Variants in CSNK1G2 observed in about 807,000 individuals in gnomAD.
CSNK1G2 encodes the protein casein kinase 1 gamma 2, also known as casein kinase I isoform gamma-2.
A neutral mutation model predicts 48.0 loss-of-function variants in CSNK1G2; 11 were observed. The observed-to-expected ratio is 0.23, with a 90% CI of 0.14 to 0.38. The LOEUF is 0.38. Among genes scored for constraint, CSNK1G2 ranks in the 10% least tolerant of loss-of-function variants. The pLI, the probability that CSNK1G2 is intolerant of heterozygous loss-of-function variation, is 1.00. For synonymous variants in CSNK1G2, 337 were observed against 254.1 expected (o/e 1.33, Z -3.10); for missense variants, 446 against 595.5 (o/e 0.75, Z 2.61).
rs971906737 is a variant in CSNK1G2, at chr19:1,956,442, G to A, written c.-265-13066G>A. Among the ~76,000 whole-genome samples the A allele has an allele frequency of 4.6e-5, 7 of 152,174 alleles. No individual in the cohort carries two copies. The South Asian group carries it at 8.3e-4, about 18-fold the overall frequency. ...TGAGGCGGGAAAATTGCTTGAACTC[G>A]GGAGGCGGAGGTTGTAATGAGCCGA... is the stretch of plus-strand genomic sequence containing the variant. On this transcript the variant is annotated intron_variant, in intron 1 of 11. Transcript: ENST00000255641.
At chr19:1,976,197 C>T (rs112981552) in intron 2 of CSNK1G2, 110 of 928,784 alleles carry the variant, frequency 1.2e-4, no homozygotes, top group Non-Finnish European at 1.5e-4. Flanking sequence ...TTCCTAATAA[C>T]GTGTTACACT....
chr19:1,953,411 T>G (rs1469107183), intron 1 of CSNK1G2: 1 of 534,516 alleles, frequency 1.9e-6, no homozygotes, highest in Admixed American at 1.9e-5. Flanking sequence ...GAAGGCCGTC[T>G]TTGTGATGGA....
intron 2 of CSNK1G2, 106 bp downstream of exon 2, chr19:1,970,065 C>A: frequency 1.1e-6 from 1 of 913,342 alleles, no homozygotes; most frequent in African/African-American, 1.7e-5. Flanking sequence ...GAGCCTCTGG[C>A]GGGGCCGCCC....
intron 1 of CSNK1G2, among the ~76,000 whole-genome samples, chr19:1,942,164 C>T (rs992957321): frequency 3.9e-5 from 6 of 152,192 alleles, no homozygotes; most frequent in African/African-American, 1.4e-4. Flanking sequence ...CTGTGGCCAC[C>T]GGCTTTGTTT....
At chr19:1,953,565 A>G in intron 1 of CSNK1G2, 1 of 496,540 alleles carries the variant, frequency 2.0e-6, no homozygotes, top group East Asian at 6.0e-5. Flanking sequence ...GCCCTCCGCC[A>G]AGGCTGCCGG....
At chr19:1,953,589 A>G in intron 1 of CSNK1G2, 1 of 464,908 alleles carries the variant, frequency 2.2e-6, no homozygotes, top group Non-Finnish European at 4.5e-6. Context: ...TGTTTGCCTT[A>G]TGTGTCCGGT....
At chr19:1,941,650 ACCCCAGCGTC>A (rs2014366180) in intron 1 of CSNK1G2, among the ~76,000 whole-genome samples, 1 of 129,888 alleles carries the variant, frequency 7.7e-6, no homozygotes, top group Middle Eastern at 3.5e-3. Flanking sequence ...TGCACTCGGG[ACCCCAGCGTC>A]CCCCACCGCC....
At chr19:1,941,451 G>GCA (rs1568175535) in intron 1 of CSNK1G2, 33 bp downstream of exon 1, 1 of 131,204 alleles carries the variant, frequency 7.6e-6, no homozygotes, top group Non-Finnish European at 1.6e-5. Flanking sequence ...CGGCCCCTTC[G>GCA]CCCCCTGCAC....
intron 1 of CSNK1G2, among the ~76,000 whole-genome samples, chr19:1,963,893 T>C (rs1465314263): frequency 6.7e-6 from 1 of 149,414 alleles, no homozygotes; most frequent in Non-Finnish European, 1.5e-5. Context: ...CTTGGCTCAC[T>C]GCAACCTCTG....
intron 2 of CSNK1G2, among the ~76,000 whole-genome samples, chr19:1,973,982 G>A (rs910861427): frequency 6.6e-5 from 10 of 152,104 alleles, no homozygotes; most frequent in African/African-American, 2.4e-4. Context: ...CCGCCTCCCG[G>A]GTTCAAGCAA....
intron 1 of CSNK1G2, among the ~76,000 whole-genome samples, chr19:1,945,547 C>T (rs543752914): frequency 2.0e-5 from 3 of 152,330 alleles, no homozygotes; most frequent in African/African-American, 4.8e-5. Flanking sequence ...TCTGGCCGGG[C>T]GCGGGGGCTC....
At chr19:1,942,390 C>A (rs1386812600) in intron 1 of CSNK1G2, 4 of 152,410 alleles carry the variant, frequency 2.6e-5, no homozygotes, top group African/African-American at 9.6e-5. Flanking sequence ...CCTGTGGCCT[C>A]CGGATGGCAT....
intron 1 of CSNK1G2, among the ~76,000 whole-genome samples, chr19:1,964,943 G>T (rs2015317635): frequency 1.3e-5 from 2 of 150,898 alleles, no homozygotes; most frequent in Admixed American, 6.6e-5. Flanking sequence ...AGCCAGGATG[G>T]TCTCGATCTC....
chr19:1,971,193 A>AG (rs900337462), intron 2 of CSNK1G2, among the ~76,000 whole-genome samples: 2 of 152,196 alleles, frequency 1.3e-5, no homozygotes, highest in African/African-American at 4.8e-5. Flanking sequence ...CTCCCAGGCG[A>AG]GGGCAGCTGT....
chr19:1,959,039 G>C (rs566343910), intron 1 of CSNK1G2, among the ~76,000 whole-genome samples: 1 of 149,912 alleles, frequency 6.7e-6, no homozygotes, highest in Admixed American at 6.7e-5. Flanking sequence ...CCCAGGGTGC[G>C]AGTTGGTTTT....
intron 2 of CSNK1G2, among the ~76,000 whole-genome samples, chr19:1,976,741 C>CT (rs34862138): frequency 9.3e-4 from 134 of 144,242 alleles, no homozygotes; most frequent in Admixed American, 1.6e-3. Flanking sequence ...TTCTTGCTTT[C>CT]TTTTTTTTTT....
intron 1 of CSNK1G2, among the ~76,000 whole-genome samples, chr19:1,961,109 G>T (rs561189373): frequency 2.2e-4 from 34 of 152,348 alleles, no homozygotes; most frequent in Middle Eastern, 6.8e-3. Context: ...CCCCCTGTCC[G>T]TCCCGTTGGC....
In CSNK1G2 at chr19:1,980,359, CCCA is replaced by C. The variant is rs752809920; in HGVS notation, c.*159_*161del. The stretch of plus-strand genomic sequence containing the variant: ...AGGGGCCGCGCCTGGCTCAGGCGGC[CCCA>C]CCCCCGGGACGTGGGGTCACTTCCT... On this transcript the variant is annotated 3_prime_UTR_variant, in exon 12 of 12. Coordinates refer to ENST00000255641, the MANE Select transcript of CSNK1G2 (RefSeq NM_001319.7). 2.9e-5 allele frequency: 26 copies of C among 892,152 alleles called. No homozygotes were observed. In the South Asian group the frequency reaches 3.5e-4, roughly 12 times the overall value. 55.3% of individuals were successfully genotyped at this position (892,152 alleles called of 1,614,324 possible).
chr19:1,965,019 C>A (rs1372076904), intron 1 of CSNK1G2, among the ~76,000 whole-genome samples: 33 of 150,016 alleles, frequency 2.2e-4, no homozygotes, highest in Non-Finnish European at 4.4e-5. Flanking sequence ...AGCCACCGCG[C>A]CTGGCCAAAA....
Sources: gnomAD v4.1 joint callset for allele counts (sites outside exome capture counted in the v4.1 genomes callset) on GRCh38, gnomAD v4.1.1 for gene constraint, MANE v1.5 for transcripts, NCBI Gene and HGNC (gene_info 2026-07-23, HGNC 2026-07-21) for gene names.